EIPR1: variants seen among roughly 807,000 people sequenced by gnomAD.
EIPR1 encodes EARP and GARP complex-interacting protein 1.
EIPR1 carries 25 observed loss-of-function variants against 48.1 expected under a neutral mutation model. The ratio of observed to expected loss-of-function variants is 0.52; its 90% CI spans 0.38 to 0.73. The LOEUF (loss-of-function observed/expected upper bound fraction) is 0.73. EIPR1 is among the 30% of genes least tolerant of loss of function. EIPR1 has a pLI of 0.00. For missense variants in EIPR1, 415 were observed against 506.2 expected (o/e 0.82, Z 1.73); for synonymous variants, 204 against 201.9 (o/e 1.01, Z -0.09).
chr2:3,230,514 T>C lies in EIPR1; in HGVS notation c.417-16266A>G, dbSNP rs78373611. On this transcript the variant is annotated intron_variant, in intron 4 of 8. Coordinates refer to ENST00000382125, the MANE Select transcript of EIPR1 (RefSeq NM_003310.5). ...GGTGTAAAATTTTCCACTTGTGGCATCATATTCATGCTCAAAATGTTTCAG... is the reference window on the plus strand; with the variant it reads ...GGTGTAAAATTTTCCACTTGTGGCACCATATTCATGCTCAAAATGTTTCAG... Among the ~76,000 whole-genome samples, 104 of 152,338 alleles carry C rather than the reference T, an allele frequency of 6.8e-4. 1 individual carries two copies. Among genetic ancestry groups the C allele is most frequent in the Middle Eastern group, 3.4e-3 (1 of 294 alleles).
At chr2:3,258,985 C>T (rs988931433) in intron 3 of EIPR1, among the ~76,000 whole-genome samples, 3 of 151,840 alleles carry the variant, frequency 2.0e-5, no homozygotes, top group South Asian at 4.2e-4. Context: ...GCAGAGCCCA[C>T]GAGATTGGCA....
intron 4 of EIPR1, among the ~76,000 whole-genome samples, chr2:3,245,145 CTTATTTTATT>C (rs545543873): frequency 6.6e-6 from 1 of 151,778 alleles, no homozygotes; most frequent in Non-Finnish European, 1.5e-5. Context: ...ATAACCATTC[CTTATTTTATT>C]TTATTTTATT....
At chr2:3,367,227 AT>A (rs1670997561) in intron 1 of EIPR1, among the ~76,000 whole-genome samples, 1 of 152,108 alleles carries the variant, frequency 6.6e-6, no homozygotes, top group South Asian at 2.1e-4. Flanking sequence ...GAGGGCTGGG[AT>A]TTTGTCTGTT....
chr2:3,195,588 C>A (rs1335420500), intron 6 of EIPR1, among the ~76,000 whole-genome samples: 1 of 152,168 alleles, frequency 6.6e-6, no homozygotes, highest in Non-Finnish European at 1.5e-5. Flanking sequence ...TCAAGGGAAA[C>A]AGGCAAAGGT....
At chr2:3,341,095 C>CAGAAAAAAAAA (rs1670227227) in intron 2 of EIPR1, among the ~76,000 whole-genome samples, 1 of 22,198 alleles carries the variant, frequency 4.5e-5, no homozygotes, top group African/African-American at 1.3e-4. Context: ...GATCCTGTCT[C>CAGAAAAAAAAA]AAAAAAAAAA....
chr2:3,212,293 G>C (rs888647893), intron 5 of EIPR1, among the ~76,000 whole-genome samples: 15 of 152,210 alleles, frequency 9.9e-5, no homozygotes, highest in Non-Finnish European at 2.1e-4. Flanking sequence ...TTTGATTACA[G>C]AATAGGTCTC....
chr2:3,287,150 ACTCATTCAACATGTTCCACAAAG>A (rs1036982195), intron 3 of EIPR1, among the ~76,000 whole-genome samples: 4 of 150,812 alleles, frequency 2.7e-5, no homozygotes, highest in Non-Finnish European at 5.9e-5. Flanking sequence ...GCTCTAGAAA[ACTCATTCAACATGTTCCACAAAG>A]CTCGTCCACC....
intron 5 of EIPR1, among the ~76,000 whole-genome samples, chr2:3,210,646 TTTGAGACGGAGTCTCGC>T: frequency 6.8e-6 from 1 of 148,094 alleles, no homozygotes; most frequent in East Asian, 2.0e-4. Context: ...TTTTTTTTTT[TTTGAGACGGAGTCTCGC>T]TCTGTCGCCA....
intron 5 of EIPR1, chr2:3,208,418 C>G: frequency 1.4e-6 from 2 of 1,459,652 alleles, no homozygotes; most frequent in Non-Finnish European, 1.8e-6. Flanking sequence ...ACTCAGACCA[C>G]GTCACCTTCA....
intron 4 of EIPR1, among the ~76,000 whole-genome samples, chr2:3,224,317 G>A (rs1047765057): frequency 4.6e-5 from 7 of 152,194 alleles, no homozygotes; most frequent in East Asian, 3.8e-4. Context: ...CAACCCTGCC[G>A]TAAGAGCAAC....
chr2:3,234,682 G>A (rs1666344428), intron 4 of EIPR1, among the ~76,000 whole-genome samples: 1 of 152,256 alleles, frequency 6.6e-6, no homozygotes. Context: ...AGTGCGGGAC[G>A]CTGTTGAATT....
intron 3 of EIPR1, among the ~76,000 whole-genome samples, chr2:3,265,211 T>C (rs529706951): frequency 1.1e-5 from 1 of 89,140 alleles, no homozygotes; most frequent in African/African-American, 4.6e-5. Flanking sequence ...AGGCAGGAGG[T>C]GTCTCTGGCA....
At chr2:3,197,500 A>C (rs551676310) in intron 5 of EIPR1, among the ~76,000 whole-genome samples, 1 of 152,288 alleles carries the variant, frequency 6.6e-6, no homozygotes, top group African/African-American at 2.4e-5. Flanking sequence ...GCATTTAATC[A>C]GACCACCCCA....
intron 1 of EIPR1, among the ~76,000 whole-genome samples, chr2:3,368,043 A>AAAAAAAG (rs1671019885): frequency 6.6e-6 from 1 of 152,114 alleles, no homozygotes; most frequent in Admixed American, 6.5e-5. Context: ...ACTCTGTCTC[A>AAAAAAAG]AAAAAAGAAA....
chr2:3,274,857 T>C (rs1036232226), intron 3 of EIPR1, among the ~76,000 whole-genome samples: 3 of 152,164 alleles, frequency 2.0e-5, no homozygotes, highest in Admixed American at 1.3e-4. Flanking sequence ...GAATATTTAA[T>C]TTCAGATTTC....
In EIPR1 at chr2:3,196,996, C is replaced by A. The variant is rs1209727999; in HGVS notation, c.538G>T (p.Glu180Ter). 6.2e-7 allele frequency: 1 copy of A among 1,613,898 alleles called. No homozygotes were observed. Among genetic ancestry groups the A allele is most frequent in the Non-Finnish European group, 8.5e-7 (1 of 1,180,004 alleles). ...QAVLASSASL[E>*]GKGQLKFTSG... Reference sequence around the variant, plus strand: ...GTGAACTTCAGTTGTCCCTTCCCTTCCAGGGACGCTGAGCTGGCCAGCTGG... The same window carrying A: ...GTGAACTTCAGTTGTCCCTTCCCTTACAGGGACGCTGAGCTGGCCAGCTGG... Residue 180 changes from glutamate to a stop codon, truncating the protein, a stop_gained, in exon 6 of 9, where the codon GAA becomes TAA. Transcript: ENST00000382125. LOFTEE classifies it high-confidence loss of function.
intron 4 of EIPR1, among the ~76,000 whole-genome samples, chr2:3,250,971 A>G (rs1019636403): frequency 1.3e-5 from 2 of 152,250 alleles, no homozygotes; most frequent in African/African-American, 4.8e-5. Flanking sequence ...ATCCAGTCTC[A>G]GTATTCCTTT....
intron 3 of EIPR1, among the ~76,000 whole-genome samples, chr2:3,295,772 C>CAT (rs1421031639): frequency 1.4e-5 from 2 of 140,808 alleles, no homozygotes; most frequent in Non-Finnish European, 1.5e-5. Context: ...TCTCTGCACA[C>CAT]ACACCCTCCA....
chr2:3,212,554 CCTT>C (rs1384540294), intron 5 of EIPR1, among the ~76,000 whole-genome samples: 4 of 152,188 alleles, frequency 2.6e-5, no homozygotes, highest in African/African-American at 9.7e-5. Context: ...GTATTTTCCT[CCTT>C]CTTCCTGGAG....
Sources: gnomAD v4.1 joint callset for allele counts (sites outside exome capture counted in the v4.1 genomes callset) on GRCh38, gnomAD v4.1.1 for gene constraint, MANE v1.5 for transcripts, NCBI Gene and HGNC (gene_info 2026-07-23, HGNC 2026-07-21) for gene names.